The following SRPK1 variants were observed in gnomAD, a reference collection of about 807,000 sequenced individuals.
The protein encoded by SRPK1 is SRSF protein kinase 1.
Under a neutral mutation model 89.5 loss-of-function variants are expected in SRPK1, and 52 were observed. That is an observed-to-expected ratio of 0.58 (90% CI 0.46 to 0.73). SRPK1 has a LOEUF of 0.73. SRPK1 is among the 30% of genes least tolerant of loss of function. SRPK1 has a pLI of 0.00. For synonymous variants in SRPK1, 255 were observed against 270.2 expected, an observed-to-expected ratio of 0.94 and a Z score of 0.55; for missense variants, 603 against 780.6, an observed-to-expected ratio of 0.77 and a Z score of 2.71.
chr6:35,872,141 C>T (rs1349249495), intron 8 of SRPK1, among the ~76,000 whole-genome samples: 1 of 152,198 alleles, frequency 6.6e-6, no homozygotes, highest in Non-Finnish European at 1.5e-5. Flanking sequence ...TAAAATAACT[C>T]AGCTAAGGTT....
intron 13 of SRPK1, among the ~76,000 whole-genome samples, chr6:35,845,035 G>C (rs1769396638): frequency 6.6e-6 from 1 of 152,136 alleles, no homozygotes; most frequent in Non-Finnish European, 1.5e-5. Context: ...ATTACTAAGT[G>C]AAAGAACCTA....
At chr6:35,915,614 C>T (rs13199985) in intron 2 of SRPK1, among the ~76,000 whole-genome samples, 51 of 152,066 alleles carry the variant, frequency 3.4e-4, no homozygotes, top group African/African-American at 1.2e-3. Context: ...ATTTAATACA[C>T]GAAAAATACT....
At chr6:35,891,517 C>T (rs985186644) in intron 2 of SRPK1, among the ~76,000 whole-genome samples, 2 of 151,894 alleles carry the variant, frequency 1.3e-5, no homozygotes, top group African/African-American at 2.4e-5. Context: ...GTCAGGAGTT[C>T]GAAACCAGTC....
In SRPK1 at chr6:35,834,500, C is replaced by T. The variant is rs929945963; in HGVS notation, c.*804G>A. ...ATGAGTAAAGTGCCAGCCATGGATACAAAAACAAAAAATAAAACAAAACAA... is the reference window on the plus strand; with the variant it reads ...ATGAGTAAAGTGCCAGCCATGGATATAAAAACAAAAAATAAAACAAAACAA... On this transcript the variant is annotated 3_prime_UTR_variant, in exon 16 of 16. Transcript: ENST00000373825. 3.9e-5 allele frequency: 6 copies of T among 151,934 alleles called. No individual in the cohort carries two copies. The highest frequency in any genetic ancestry group is 1.5e-4 in the African/African-American group (6 of 41,366). 9.4% of individuals were successfully genotyped at this position (151,934 alleles called of 1,614,324 possible).
rs940890815 is a variant in SRPK1, at chr6:35,834,856, T to A, written c.*448A>T. ...CAGCCCGGACACAGCAAGTTTAATG[T>A]CTCTGCTGTACATAGAATTAAGACC... On this transcript the variant is annotated 3_prime_UTR_variant, in exon 16 of 16. Coordinates refer to ENST00000373825, the MANE Select transcript of SRPK1 (RefSeq NM_003137.5). 4 of 152,854 alleles carry A rather than the reference T, an allele frequency of 2.6e-5. No homozygotes were observed. Among genetic ancestry groups the A allele is most frequent in the African/African-American group, 9.7e-5 (4 of 41,434 alleles). The allele number at this position is 152,854 out of a possible 1,614,324, so 9.5% of individuals were successfully genotyped here.
At chr6:35,845,652 T>C (rs775002937) in intron 13 of SRPK1, among the ~76,000 whole-genome samples, 8 of 152,212 alleles carry the variant, frequency 5.3e-5, no homozygotes, top group Non-Finnish European at 1.2e-4. Context: ...TAGCATTTCA[T>C]AAGCAATATG....
intron 2 of SRPK1, among the ~76,000 whole-genome samples, chr6:35,897,625 C>T (rs545679515): frequency 2.0e-5 from 3 of 152,284 alleles, no homozygotes; most frequent in South Asian, 4.1e-4. Context: ...AGTGATCCTC[C>T]CACCTCAGTC....
chr6:35,856,114 A>G (rs997382599), intron 13 of SRPK1, among the ~76,000 whole-genome samples: 3 of 152,220 alleles, frequency 2.0e-5, no homozygotes, highest in Admixed American at 1.3e-4. Flanking sequence ...CCCAACCTCC[A>G]GGGAAGGGAG....
intron 8 of SRPK1, among the ~76,000 whole-genome samples, chr6:35,871,309 T>C (rs1770031457): frequency 6.6e-6 from 1 of 152,194 alleles, no homozygotes; most frequent in Non-Finnish European, 1.5e-5. Flanking sequence ...ATCTGTCAGT[T>C]TTAAAAGGGG....
chr6:35,877,095 G>A (rs932714468), intron 6 of SRPK1, among the ~76,000 whole-genome samples: 3 of 152,160 alleles, frequency 2.0e-5, no homozygotes, highest in Admixed American at 2.0e-4. Context: ...AGAGAACAAT[G>A]CCCAGCATTC....
chr6:35,873,492 CTT>C (rs141573769), intron 7 of SRPK1, among the ~76,000 whole-genome samples: 40,854 of 147,226 alleles, frequency 0.28, 5,805 homozygotes, highest in South Asian at 0.41. Context: ...TAGCAATTAA[CTT>C]TTTTTTTTTT....
rs1769332434 is a variant in SRPK1 at position 35,842,515 on chromosome 6, C to T, written c.1690+20G>A. 6.3e-7 allele frequency: 1 copy of T among 1,586,814 alleles called. No individual in the cohort carries two copies. The highest frequency in any genetic ancestry group is 8.6e-7 in the Non-Finnish European group (1 of 1,162,458). On this transcript the variant is annotated intron_variant, in intron 14 of 15. Coordinates refer to ENST00000373825, the MANE Select transcript of SRPK1 (RefSeq NM_003137.5). The stretch of plus-strand genomic sequence containing the variant: ...AAGTGTAAATACCACGCACACACAT[C>T]CATGGTTAAGGGGACTCACCTTCAT...
intron 13 of SRPK1, among the ~76,000 whole-genome samples, chr6:35,848,501 G>C (rs182793983): frequency 3.0e-4 from 46 of 152,338 alleles, no homozygotes; most frequent in African/African-American, 9.9e-4. Flanking sequence ...AGGCTGAAGA[G>C]AGCTGTGATT....
intron 2 of SRPK1, among the ~76,000 whole-genome samples, chr6:35,910,487 T>C (rs1001225967): frequency 3.3e-5 from 5 of 152,178 alleles, no homozygotes; most frequent in African/African-American, 9.7e-5. Flanking sequence ...GCCATCCCCA[T>C]AACATAAAAG....
At chr6:35,883,332 T>C (rs1246183071) in intron 6 of SRPK1, among the ~76,000 whole-genome samples, 2 of 152,028 alleles carry the variant, frequency 1.3e-5, no homozygotes, top group African/African-American at 4.8e-5. Context: ...GAGGTTGCAG[T>C]GAGCCGAGAT....
chr6:35,874,401 G>A, intron 6 of SRPK1, 62 bp from the exon 7 acceptor site: 1 of 1,078,914 alleles, frequency 9.3e-7, no homozygotes, highest in African/African-American at 1.6e-5. Flanking sequence ...GACAAGCTGT[G>A]AATTCCACCC....
chr6:35,849,479 AC>A (rs1264174234), intron 13 of SRPK1, among the ~76,000 whole-genome samples: 1 of 152,218 alleles, frequency 6.6e-6, no homozygotes, highest in African/African-American at 2.4e-5. Flanking sequence ...CAGCAATCCC[AC>A]TTCTGGATAT....
rs773398776 is a variant in SRPK1, at chr6:35,872,565, G to T, written c.749C>A (p.Ala250Glu). Residue 250 changes from alanine to glutamate, a missense_variant and splice_region_variant, in exon 8 of 16, where the codon GCA becomes GAA. By Grantham distance (107) the Ala-to-Glu change is moderately radical (BLOSUM62 -1). Transcript: ENST00000373825. ...RSGAPPPSGS[A>E]VSTAPQPKPA... is the part of the protein sequence containing the mutation. ...GAAGTCCCTAAAAGAAAATACACCT[G>T]CAGATCCGGAAGGCGGAGGAGCTCC... 2 of 1,595,186 alleles carry T rather than the reference G, an allele frequency of 1.3e-6. No individual in the cohort carries two copies. The highest frequency in any genetic ancestry group is 1.7e-6 in the Non-Finnish European group (2 of 1,173,432).
At chr6:35,900,248 A>G (rs1277862225) in intron 2 of SRPK1, among the ~76,000 whole-genome samples, 1 of 152,192 alleles carries the variant, frequency 6.6e-6, no homozygotes, top group African/African-American at 2.4e-5. Flanking sequence ...TATGTGTAAA[A>G]TGAAGGCAGA....
Sources: gnomAD v4.1 joint callset for allele counts (sites outside exome capture counted in the v4.1 genomes callset) on GRCh38, gnomAD v4.1.1 for gene constraint, MANE v1.5 for transcripts, NCBI Gene and HGNC (gene_info 2026-07-23, HGNC 2026-07-21) for gene names.